The following COL16A1 variants were observed in gnomAD, a reference collection of about 807,000 sequenced individuals.
The protein encoded by COL16A1 is collagen alpha-1(XVI) chain.
COL16A1 carries 189 observed loss-of-function variants against 266.3 expected under a neutral mutation model. The ratio of observed to expected loss-of-function variants is 0.71; its 90% CI spans 0.63 to 0.80. COL16A1 has a LOEUF of 0.80. Among genes scored for constraint, COL16A1 ranks in the 30% least tolerant of loss-of-function variants. The pLI, the probability that COL16A1 is intolerant of heterozygous loss-of-function variation, is 0.00. For missense variants in COL16A1, 1,928 were observed against 2,122.4 expected (o/e 0.91, Z 1.80); for synonymous variants, 740 against 782.3 (o/e 0.95, Z 0.90).
At chr1:31,702,929 C>G (rs1359400697) in intron 1 of COL16A1, among the ~76,000 whole-genome samples, 2 of 152,112 alleles carry the variant, frequency 1.3e-5, no homozygotes, top group Non-Finnish European at 2.9e-5. Context: ...GATGGATGGG[C>G]CCAGATAAAT....
chr1:31,668,572 G>A lies in COL16A1; in HGVS notation c.3249+230C>T, dbSNP rs1014262205. ...CCCCAGGGACGCTGCTGGAGGACAG[G>A]GGCTGTGCATGCTTCTGGCAGGGAG... On this transcript the variant is annotated intron_variant, in intron 50 of 70. Transcript: ENST00000373672. The surrounding 1 kb of genome is among the most constrained non-coding windows in gnomAD (Gnocchi z 5.8). Among the ~76,000 whole-genome samples, 2 of 152,140 alleles carry A rather than the reference G, an allele frequency of 1.3e-5. No homozygotes were observed. Among genetic ancestry groups the A allele is most frequent in the Non-Finnish European group, 2.9e-5 (2 of 68,010 alleles).
intron 47 of COL16A1, 23 bp downstream of exon 47, chr1:31,672,393 T>A: frequency 1.2e-6 from 2 of 1,613,594 alleles, no homozygotes; most frequent in Middle Eastern, 1.7e-4. Context: ...CCCTTGAGGA[T>A]GAATCCCCAT....
rs748045947 is a variant in COL16A1, at chr1:31,679,766, G to T, written c.2718+38C>A. On this transcript the variant is annotated intron_variant, in intron 41 of 70. Transcript: ENST00000373672. ...AGCAGCTGTTTAGGGTGGACAAGCC[G>T]CGGGGCGCTGGCGGACAAGAGGAGA... 5 of 1,590,674 alleles carry T rather than the reference G, an allele frequency of 3.1e-6. No individual in the cohort carries two copies. The South Asian group carries it at 4.6e-5, about 15-fold the overall frequency.
intron 44 of COL16A1, 176 bp from the exon 45 acceptor site, chr1:31,673,016 G>A (rs1642868650): frequency 2.9e-6 from 2 of 694,490 alleles, no homozygotes; most frequent in Non-Finnish European, 5.2e-6. Flanking sequence ...CATCCTCGGG[G>A]GACCCACTCC....
intron 17 of COL16A1, 104 bp downstream of exon 17, chr1:31,691,901 C>A (rs1570563597): frequency 6.4e-7 from 1 of 1,564,418 alleles, no homozygotes; most frequent in Non-Finnish European, 8.8e-7. Flanking sequence ...CCCCTCCCCA[C>A]CCTGTCTGAG....
intron 20 of COL16A1, 73 bp from the exon 21 acceptor site, chr1:31,690,646 C>A (rs946302434): frequency 5.0e-5 from 78 of 1,570,094 alleles, no homozygotes; most frequent in Non-Finnish European, 5.9e-5. Context: ...CCTTCCCCAC[C>A]CGTGCCCCTC....
rs759541987 is a variant in COL16A1 at position 31,702,209 on chromosome 1, T to C, written c.-16A>G. The C allele has an allele frequency of 2.5e-6, 4 of 1,613,562 alleles. No individual in the cohort carries two copies. The highest frequency in any genetic ancestry group is 2.2e-5 in the East Asian group (1 of 44,852). ...ATACCCACATCCCGGTCCAAAGAGG[T>C]CAGCTACAGCCACAGCACCTGAAAA... On this transcript the variant is annotated 5_prime_UTR_variant, in exon 2 of 71. Transcript: ENST00000373672.
chr1:31,690,969 C>T (rs1377586537), intron 20 of COL16A1, among the ~76,000 whole-genome samples: 3 of 152,174 alleles, frequency 2.0e-5, no homozygotes, highest in Non-Finnish European at 4.4e-5. Context: ...ATACCTGGAA[C>T]ACAGGCGGAG....
chr1:31,700,389 G>A (rs186158165), intron 2 of COL16A1, among the ~76,000 whole-genome samples: 2 of 152,322 alleles, frequency 1.3e-5, no homozygotes, highest in East Asian at 3.9e-4. Context: ...CAGAACTCCA[G>A]GAACCCAAAT....
Position 31,657,940 on chromosome 1 carries a change from C to A in COL16A1, c.4020+548G>T, listed in dbSNP as rs929805265. On this transcript the variant is annotated intron_variant, in intron 64 of 70. Coordinates refer to ENST00000373672, the MANE Select transcript of COL16A1 (RefSeq NM_001856.4). The surrounding 1 kb of genome is among the most constrained non-coding windows in gnomAD (Gnocchi z 6.4). Reference sequence around the variant, plus strand: ...GAGCAACCTGCCTAACCTTGCGGAGCCCCCGTTTCCTCATCTGTAAAATGG... The same window carrying A: ...GAGCAACCTGCCTAACCTTGCGGAGACCCCGTTTCCTCATCTGTAAAATGG... Among the ~76,000 whole-genome samples the A allele has an allele frequency of 2.0e-5, 3 of 152,206 alleles. No individual in the cohort carries two copies. The highest frequency in any genetic ancestry group is 2.1e-4 in the South Asian group (1 of 4,836).
At position 31,673,017 on chromosome 1, in the gene COL16A1, G is replaced by C. The variant is rs1642868957; in HGVS notation, c.2860-177C>G. 8 of 691,716 alleles carry C rather than the reference G, an allele frequency of 1.2e-5. No homozygotes were observed. In the Admixed American group the frequency reaches 1.4e-4, roughly 13 times the overall value. 42.8% of individuals were successfully genotyped at this position (691,716 alleles called of 1,614,324 possible). On this transcript the variant is annotated intron_variant, in intron 44 of 70. Coordinates refer to ENST00000373672, the MANE Select transcript of COL16A1 (RefSeq NM_001856.4). ...CGGCAGCTTTGCTCCATCCTCGGGG[G>C]ACCCACTCCCAACAATTGGCTTTGA...
intron 13 of COL16A1, 123 bp downstream of exon 13, chr1:31,692,969 C>T (rs567304607): frequency 6.4e-6 from 6 of 940,442 alleles, no homozygotes; most frequent in South Asian, 2.9e-5. Flanking sequence ...CCTCACCCCC[C>T]TCCCGTGATC....
At chr1:31,665,550 A>T in intron 55 of COL16A1, 33 bp downstream of exon 55, 1 of 1,614,104 alleles carries the variant, frequency 6.2e-7, no homozygotes. Context: ...AGACCACATC[A>T]GACAGAGCTG....
rs1644091486 is a variant in COL16A1, at chr1:31,688,334, G to A, written c.1803+133C>T. On this transcript the variant is annotated intron_variant, in intron 26 of 70. Coordinates refer to ENST00000373672, the MANE Select transcript of COL16A1 (RefSeq NM_001856.4). This position sits in a 1 kb window ranked among gnomAD's most constrained non-coding sequence, Gnocchi z 4.9. Reference sequence around the variant, plus strand: ...TTTGACTCAAGTCTGCAAAACACTAGTAAATTAATTTCACTGTGAATTTAC... The same window carrying A: ...TTTGACTCAAGTCTGCAAAACACTAATAAATTAATTTCACTGTGAATTTAC... 2 of 1,034,612 alleles carry A rather than the reference G, an allele frequency of 1.9e-6. No individual in the cohort carries two copies. The highest frequency in any genetic ancestry group is 1.9e-5 in the Admixed American group (1 of 52,164). The allele number at this position is 1,034,612 out of a possible 1,614,324, so 64.1% of individuals were successfully genotyped here.
intron 49 of COL16A1, among the ~76,000 whole-genome samples, chr1:31,669,133 G>T (rs575617258): frequency 4.3e-4 from 66 of 152,076 alleles, no homozygotes; most frequent in Non-Finnish European, 8.1e-4. Flanking sequence ...CTCTGGGAGG[G>T]TATCTCTCAG....
In COL16A1 at chr1:31,698,306, T is replaced by A; in HGVS notation, c.391-134A>T. The A allele has an allele frequency of 6.5e-7, 1 of 1,535,856 alleles. No individual in the cohort carries two copies. The highest frequency in any genetic ancestry group is 2.3e-5 in the East Asian group (1 of 44,386). On this transcript the variant is annotated intron_variant, in intron 5 of 70. Coordinates refer to ENST00000373672, the MANE Select transcript of COL16A1 (RefSeq NM_001856.4). The surrounding 1 kb of genome is among the most constrained non-coding windows in gnomAD (Gnocchi z 4.1). ...AGAAAGAGAAGAAAGCCGGCTGGGG[T>A]CAAGGAGCTATACATCCTGAAAGAA...
chr1:31,670,492 CA>C lies in COL16A1; in HGVS notation c.3195+109del. The C allele has an allele frequency of 7.9e-7, 1 of 1,270,986 alleles. No individual in the cohort carries two copies. The highest frequency in any genetic ancestry group is 3.2e-5 in the East Asian group (1 of 31,672). The allele number at this position is 1,270,986 out of a possible 1,614,324, so 78.7% of individuals were successfully genotyped here. On this transcript the variant is annotated intron_variant, in intron 49 of 70. Transcript: ENST00000373672. The surrounding 1 kb of genome is among the most constrained non-coding windows in gnomAD (Gnocchi z 4.5). Reference sequence around the variant, plus strand: ...GTTAGCTACCGTGCCTGAAGGGGGACAACAAACACGGAGGACGGAGGTGAAG... The same window carrying C: ...GTTAGCTACCGTGCCTGAAGGGGGACACAAACACGGAGGACGGAGGTGAAG...
intron 12 of COL16A1, 137 bp downstream of exon 12, chr1:31,694,007 G>T (rs964112113): frequency 2.8e-6 from 2 of 726,766 alleles, no homozygotes; most frequent in African/African-American, 3.6e-5. Flanking sequence ...TCTTTACCAC[G>T]CATACACTTA....
Position 31,665,209 on chromosome 1 carries a change from A to G in COL16A1, c.3518T>C (p.Val1173Ala). Reference protein sequence around the residue: ...PPGPPGFPGKVGSPGPPGPQA... With the variant: ...PPGPPGFPGKAGSPGPPGPQA... ...AGGGCCAGGTGGGCCAGGTGATCCA[A>G]CTTTGCCTGGGAATCCAGGGGGACC... Residue 1173 changes from valine to alanine, a missense_variant, in exon 56 of 71, where the codon GTT becomes GCT. Val to Ala is a moderately conservative substitution (Grantham distance 64). Transcript: ENST00000373672. The G allele has an allele frequency of 1.3e-6, 2 of 1,598,914 alleles. No individual in the cohort carries two copies.
Sources: gnomAD v4.1 joint callset for allele counts (sites outside exome capture counted in the v4.1 genomes callset) on GRCh38, gnomAD v4.1.1 for gene constraint, Gnocchi (gnomAD v3.1) non-coding constraint, MANE v1.5 for transcripts, NCBI Gene and HGNC (gene_info 2026-07-23, HGNC 2026-07-21) for gene names.